TCF12: variants seen among roughly 807,000 people sequenced by gnomAD.
The protein encoded by TCF12 is transcription factor 12, also known as DNA-binding protein HTF4.
In TCF12, 45 loss-of-function variants were observed where a neutral mutation model predicts 86.0. That is an observed-to-expected ratio of 0.52 (90% confidence interval 0.41 to 0.67). TCF12 has a LOEUF of 0.67. TCF12 is among the 30% of genes least tolerant of loss of function. The pLI is 0.00. For synonymous variants in TCF12, 330 were observed against 299.6 expected (o/e 1.10, Z -1.05); for missense variants, 881 against 859.9 (o/e 1.02, Z -0.31).
chr15:57,154,878 A>G (rs2054009779), intron 5 of TCF12, among the ~76,000 whole-genome samples: 1 of 152,206 alleles, frequency 6.6e-6, no homozygotes, highest in South Asian at 2.1e-4. Context: ...ATTGTATAAT[A>G]TAGTCAAATG....
chr15:57,072,204 A>G (rs1350334611), intron 4 of TCF12, among the ~76,000 whole-genome samples: 1 of 152,196 alleles, frequency 6.6e-6, no homozygotes, highest in Non-Finnish European at 1.5e-5. Context: ...GAAATTTCAC[A>G]AAGGGGAAAA....
At chr15:57,283,757 T>A (rs1429406132) in intron 20 of TCF12, among the ~76,000 whole-genome samples, 1 of 152,232 alleles carries the variant, frequency 6.6e-6, no homozygotes, top group African/African-American at 2.4e-5. Flanking sequence ...TGATAGATTG[T>A]TTGATAGATA....
At position 56,961,540 on chromosome 15, in the gene TCF12, A is replaced by G. The variant is rs561537296; in HGVS notation, c.148+40442A>G. 3.3e-5 allele frequency among the ~76,000 whole-genome samples: 5 copies of G among 152,344 alleles called. No individual in the cohort carries two copies. The South Asian group carries it at 1.0e-3, about 32-fold the overall frequency. ...ACACATAGTATTATGCATATGGTAAATGTTAATAAATGTTTGTGGAATAAC... is the reference window on the plus strand; with the variant it reads ...ACACATAGTATTATGCATATGGTAAGTGTTAATAAATGTTTGTGGAATAAC... On this transcript the variant is annotated intron_variant, in intron 3 of 20. Coordinates refer to ENST00000333725, the MANE Select transcript of TCF12 (RefSeq NM_207037.2).
At chr15:57,000,567 A>G (rs1474590267) in intron 3 of TCF12, among the ~76,000 whole-genome samples, 2 of 152,156 alleles carry the variant, frequency 1.3e-5, no homozygotes, top group African/African-American at 4.8e-5. Flanking sequence ...CTGAGCTTCC[A>G]CCTTAGGAAG....
At chr15:57,163,775 C>G (rs556405296) in intron 5 of TCF12, among the ~76,000 whole-genome samples, 1 of 152,112 alleles carries the variant, frequency 6.6e-6, no homozygotes. Context: ...TGTACACTTG[C>G]AATTCTGACA....
intron 3 of TCF12, among the ~76,000 whole-genome samples, chr15:56,965,173 C>G (rs1275177609): frequency 6.6e-6 from 1 of 152,062 alleles, no homozygotes; most frequent in African/African-American, 2.4e-5. Flanking sequence ...AGTATCATTT[C>G]TATGTTATAT....
intron 5 of TCF12, among the ~76,000 whole-genome samples, chr15:57,151,641 T>G (rs937539290): frequency 6.6e-5 from 10 of 152,110 alleles, no homozygotes; most frequent in Non-Finnish European, 1.3e-4. Context: ...GGCGCATGCA[T>G]GTAGTCCCAG....
At chr15:57,083,215 G>A (rs1361428397) in intron 4 of TCF12, among the ~76,000 whole-genome samples, 2 of 152,100 alleles carry the variant, frequency 1.3e-5, no homozygotes, top group African/African-American at 2.4e-5. Flanking sequence ...AACTATACTG[G>A]TAATGTTCTA....
intron 8 of TCF12, among the ~76,000 whole-genome samples, chr15:57,223,643 G>GTTTTTTGTTTTTTGTTT (rs1456806093): frequency 5.7e-5 from 4 of 69,664 alleles, no homozygotes; most frequent in African/African-American, 2.0e-4. Flanking sequence ...TACCAATGAG[G>GTTTTTTGTTTTTTGTTT]TTTTTTTTTT....
At chr15:57,119,623 T>TCCCTTCC (rs1271198574) in intron 5 of TCF12, among the ~76,000 whole-genome samples, 10 of 151,892 alleles carry the variant, frequency 6.6e-5, no homozygotes, top group Non-Finnish European at 1.0e-4. Flanking sequence ...CTTTTCTTCC[T>TCCCTTCC]CCTACTTTAT....
intron 4 of TCF12, among the ~76,000 whole-genome samples, chr15:57,070,435 CATAG>C (rs2069272968): frequency 6.6e-6 from 1 of 151,994 alleles, no homozygotes; most frequent in Non-Finnish European, 1.5e-5. Flanking sequence ...TTCTAAAGTT[CATAG>C]ACAAAGCCAT....
At chr15:57,231,115 A>T (rs1382935201) in intron 8 of TCF12, 37 bp from the exon 9 acceptor site, 3 of 1,470,524 alleles carry the variant, frequency 2.0e-6, no homozygotes, top group Non-Finnish European at 2.9e-6. Context: ...TATGATAGTC[A>T]TTTACATTTT....
intron 8 of TCF12, among the ~76,000 whole-genome samples, chr15:57,209,134 A>G (rs1466803595): frequency 2.0e-5 from 3 of 152,246 alleles, no homozygotes; most frequent in Admixed American, 6.5e-5. Flanking sequence ...TTATGTATCT[A>G]TAATAGGAAA....
chr15:57,285,788 G>C (rs1324441557), intron 20 of TCF12, among the ~76,000 whole-genome samples: 1 of 152,224 alleles, frequency 6.6e-6, no homozygotes, highest in East Asian at 1.9e-4. Context: ...ATATAGCCGG[G>C]TGTGGTGGTG....
rs1226273246 is a variant in TCF12 at position 56,918,798 on chromosome 15, G to C, written c.-131G>C. The C allele has an allele frequency of 1.3e-5, 2 of 159,180 alleles. No individual in the cohort carries two copies. Among genetic ancestry groups the C allele is most frequent in the Non-Finnish European group, 2.8e-5 (2 of 72,156 alleles). 9.9% of individuals were successfully genotyped at this position (159,180 alleles called of 1,614,324 possible). On this transcript the variant is annotated 5_prime_UTR_variant, in exon 1 of 21. Transcript: ENST00000333725. ...CCCTCCCAGACCCGAGAGCTCGTGCGGGGCAAAGTGAACCGAGCCGCTGGG... is the reference window on the plus strand; with the variant it reads ...CCCTCCCAGACCCGAGAGCTCGTGCCGGGCAAAGTGAACCGAGCCGCTGGG...
intron 4 of TCF12, among the ~76,000 whole-genome samples, chr15:57,067,430 C>T (rs951381977): frequency 1.4e-5 from 2 of 143,496 alleles, no homozygotes; most frequent in African/African-American, 2.6e-5. Context: ...GTCCCAGCTA[C>T]TTGGGAGGCT....
chr15:57,267,487 C>T (rs1281625222), intron 18 of TCF12, among the ~76,000 whole-genome samples: 1 of 152,102 alleles, frequency 6.6e-6, no homozygotes, highest in African/African-American at 2.4e-5. Context: ...TACATCTTTC[C>T]TCCATATTCA....
At chr15:57,202,367 G>T (rs1166746479) in intron 8 of TCF12, among the ~76,000 whole-genome samples, 2 of 151,124 alleles carry the variant, frequency 1.3e-5, no homozygotes, top group Non-Finnish European at 1.5e-5. Flanking sequence ...GTTGTTTAAG[G>T]ACCTACAGTA....
chr15:57,137,554 G>A (rs904709236), intron 5 of TCF12, among the ~76,000 whole-genome samples: 3 of 152,134 alleles, frequency 2.0e-5, no homozygotes, highest in African/African-American at 7.2e-5. Context: ...ATCGTTGTAG[G>A]ATTTAATACA....
Sources: allele counts gnomAD v4.1 joint callset (sites outside exome capture counted in the v4.1 genomes callset), GRCh38; gene constraint gnomAD v4.1.1; transcripts MANE v1.5; gene names NCBI Gene and HGNC (gene_info 2026-07-23, HGNC 2026-07-21).